Variants in TNP2 observed in about 807,000 individuals in gnomAD.
The protein encoded by TNP2 is transition protein 2.
TNP2 carries 10 observed loss-of-function variants against 8.5 expected under a neutral mutation model. The ratio of observed to expected loss-of-function variants is 1.17; its 90% CI spans 0.72 to 1.99. The LOEUF is 1.99. Among genes scored for constraint, TNP2 ranks in the 30% most tolerant of loss-of-function variants. The probability of loss-of-function intolerance (pLI) is 0.00; values close to 1 mark genes in which losing one functional copy is unlikely to be tolerated. For synonymous variants in TNP2, 80 were observed against 62.3 expected (o/e 1.28, Z -1.34); for missense variants, 222 against 181.2 (o/e 1.23, Z -1.29).
At chr16:11,268,495 C>T in intron 1 of TNP2, 1 of 367,228 alleles carries the variant, frequency 2.7e-6, no homozygotes, top group Non-Finnish European at 4.9e-6. Context: ...TCCATCCATC[C>T]AGCTAATCGT....
In TNP2 at chr16:11,267,914, T is replaced by C. The variant is rs1297954658; in HGVS notation, c.*82A>G. 6.9e-7 allele frequency: 1 copy of C among 1,456,830 alleles called. No individual in the cohort carries two copies. The highest frequency in any genetic ancestry group is 9.5e-7 in the Non-Finnish European group (1 of 1,054,426). 90.2% of individuals were successfully genotyped at this position (1,456,830 alleles called of 1,614,324 possible). On this transcript the variant is annotated 3_prime_UTR_variant, in exon 2 of 2. Transcript: ENST00000312693. ...GCGTAGAAATCACCATAGTAACATG[T>C]TCCTGCAAGAAGATTGACTTCATCC...
chr16:11,269,105 G>A lies in TNP2; in HGVS notation c.158C>T (p.Pro53Leu), dbSNP rs202033278. The change falls in exon 1 of 2, where the codon CCG (proline) becomes CTG (leucine). Residue 53 changes from proline to leucine, a missense_variant. Transcript: ENST00000312693. ...GSRSQSSSQS[P>L]ASHRNPTGAH... is the part of the protein sequence containing the mutation. ...TCCAGTTGGGTTGCGGTGGCTGGCCGGGCTCTGGCTGGAGCTCTGGCTCCG... is the reference window on the plus strand; with the variant it reads ...TCCAGTTGGGTTGCGGTGGCTGGCCAGGCTCTGGCTGGAGCTCTGGCTCCG... 225 of 1,613,964 alleles carry A rather than the reference G, an allele frequency of 1.4e-4. No homozygotes were observed. In the African/African-American group the frequency reaches 2.6e-3, roughly 19 times the overall value.
chr16:11,268,981 C>T lies in TNP2; in HGVS notation c.282G>A (p.Arg94=), dbSNP rs2069748412. The part of the protein sequence containing the change: ...KTMNSHHSPM[R]PTILHCRCPK... ...GGCAGCGGCAGTGCAGGATGGTGGG[C>T]CGCATGGGAGAGTGGTGGGAGTTCA... The change falls in exon 1 of 2, where the codon CGG becomes CGA. Residue 94 remains arginine (R), a synonymous_variant. Transcript: ENST00000312693. The T allele has an allele frequency of 6.2e-7, 1 of 1,613,898 alleles. No individual in the cohort carries two copies. The highest frequency in any genetic ancestry group is 8.5e-7 in the Non-Finnish European group (1 of 1,179,874).
chr16:11,268,974 TG>T lies in TNP2; in HGVS notation c.288del (p.Ile97SerfsTer17). The T allele has an allele frequency of 1.9e-6, 3 of 1,613,920 alleles. No individual in the cohort carries two copies. The highest frequency in any genetic ancestry group is 1.7e-6 in the Non-Finnish European group (2 of 1,179,870). ...TTCTTGGGGCAGCGGCAGTGCAGGA[TG>T]GTGGGCCGCATGGGAGAGTGGTGGG... Reference protein sequence around the residue: ...MNSHHSPMRPTILHCRCPKNR... With the variant: ...MNSHHSPMRPXILHCRCPKNR... On this transcript the variant is annotated frameshift_variant, in exon 1 of 2. Transcript: ENST00000312693. LOFTEE classifies it high-confidence loss of function.
intron 1 of TNP2, chr16:11,268,245 T>A (rs1432873234): frequency 1.2e-5 from 6 of 495,592 alleles, no homozygotes; most frequent in Non-Finnish European, 2.2e-5. Context: ...TTCCATTCAT[T>A]TATTCAACAT....
rs2069745344 is a variant in TNP2, at chr16:11,268,850, C to T, written c.400+13G>A. The T allele has an allele frequency of 6.5e-7, 1 of 1,550,220 alleles. No individual in the cohort carries two copies. The highest frequency in any genetic ancestry group is 8.7e-7 in the Non-Finnish European group (1 of 1,151,234). ...TGGGCTCGGTGGCCCTTCCCCACCT[C>T]CTTAAAGGGTACCTGAGCTCCGCGT... On this transcript the variant is annotated intron_variant, in intron 1 of 1. Coordinates refer to ENST00000312693, the MANE Select transcript of TNP2 (RefSeq NM_005425.5).
Position 11,268,918 on chromosome 16 carries a change from C to T in TNP2, c.345G>A (p.Lys115=), listed in dbSNP as rs757232187. The change falls in exon 1 of 2, where the codon AAG becomes AAA. Residue 115 remains lysine (K), a synonymous_variant. Coordinates refer to ENST00000312693, the MANE Select transcript of TNP2 (RefSeq NM_005425.5). ...GCTGGATCCTCTTGGCCATTTTTTT[C>T]TTTTTCAGCTTGCCTTCCAAGTTCT... ...NRKNLEGKLK[K]KKMAKRIQQV... The T allele has an allele frequency of 1.6e-5, 25 of 1,602,126 alleles. No individual in the cohort carries two copies. In the Admixed American group the frequency reaches 2.7e-4, roughly 17 times the overall value.
In TNP2 at chr16:11,269,111, T is replaced by C. The variant is rs1048163837; in HGVS notation, c.152A>G (p.Gln51Arg). The change falls in exon 1 of 2, where the codon CAG (glutamine) becomes CGG (arginine). Residue 51 changes from glutamine (Q) to arginine (R), a missense_variant. By Grantham distance (43) the Gln-to-Arg change is conservative. Coordinates refer to ENST00000312693, the MANE Select transcript of TNP2 (RefSeq NM_005425.5). ...TGGGTTGCGGTGGCTGGCCGGGCTC[T>C]GGCTGGAGCTCTGGCTCCGGCTGCC... Reference protein sequence around the residue: ...HRGSRSQSSSQSPASHRNPTG... With the variant: ...HRGSRSQSSSRSPASHRNPTG... The C allele has an allele frequency of 6.2e-7, 1 of 1,613,906 alleles. No homozygotes were observed. Among genetic ancestry groups the C allele is most frequent in the African/African-American group, 1.3e-5 (1 of 74,932 alleles).
At position 11,267,879 on chromosome 16, in the gene TNP2, A is replaced by G. The variant is rs1189488554; in HGVS notation, c.*117T>C. On this transcript the variant is annotated 3_prime_UTR_variant, in exon 2 of 2. Transcript: ENST00000312693. ...GGATAGTCTTCCAGGTACAAGCTTT[A>G]ATTAGTGTTGCGTAGAAATCACCAT... 1.3e-5 allele frequency: 15 copies of G among 1,130,824 alleles called. No individual in the cohort carries two copies. Among genetic ancestry groups the G allele is most frequent in the Admixed American group, 1.1e-4 (5 of 45,186 alleles). 70.0% of individuals were successfully genotyped at this position (1,130,824 alleles called of 1,614,324 possible).
rs2069751013 is a variant in TNP2, at chr16:11,269,084, G to A, written c.179C>T (p.Thr60Ile). The A allele has an allele frequency of 3.7e-6, 6 of 1,613,896 alleles. No homozygotes were observed. Among genetic ancestry groups the A allele is most frequent in the Admixed American group, 3.3e-5 (2 of 60,004 alleles). The change falls in exon 1 of 2, where the codon ACT becomes ATT. Residue 60 changes from threonine (T) to isoleucine (I), a missense_variant. Coordinates refer to ENST00000312693, the MANE Select transcript of TNP2 (RefSeq NM_005425.5). ...SQSPASHRNP[T>I]GAHSSSGHQS... ...GTGGCCGGATGAGCTGTGGGCTCCA[G>A]TTGGGTTGCGGTGGCTGGCCGGGCT...
In TNP2 at chr16:11,269,001, A is replaced by G. The variant is rs544635883; in HGVS notation, c.262T>C (p.Ser88Pro). ...GTGGGCCGCATGGGAGAGTGGTGGG[A>G]GTTCATAGTCTTTTTGTGGCGCTTT... ...PPKRHKKTMNSHHSPMRPTIL... is the reference protein window; with the variant it reads ...PPKRHKKTMNPHHSPMRPTIL... Residue 88 changes from serine to proline, a missense_variant, in exon 1 of 2, where the codon TCC (serine) becomes CCC (proline). Physicochemically the swap from Ser to Pro is moderately conservative, Grantham distance 74. Coordinates refer to ENST00000312693, the MANE Select transcript of TNP2 (RefSeq NM_005425.5). 2 of 1,613,150 alleles carry G rather than the reference A, an allele frequency of 1.2e-6. No individual in the cohort carries two copies. Among genetic ancestry groups the G allele is most frequent in the African/African-American group, 1.3e-5 (1 of 74,692 alleles).
chr16:11,268,607 C>T, intron 1 of TNP2: 1 of 460,046 alleles, frequency 2.2e-6, no homozygotes, highest in Non-Finnish European at 3.8e-6. Context: ...CTCTCAACTC[C>T]ATTCATGCTT....
rs575860608 is a variant in TNP2 at position 11,269,308 on chromosome 16, C to T, written c.-46G>A. ...GCAGGGCCTCCTCCTCATCCTCTCC[C>T]AGCAGGCCTAGCTTTACAGAGGCCC... On this transcript the variant is annotated 5_prime_UTR_variant, in exon 1 of 2. Transcript: ENST00000312693. 17 of 1,561,592 alleles carry T rather than the reference C, an allele frequency of 1.1e-5. No individual in the cohort carries two copies. The East Asian group carries it at 3.6e-4, about 33-fold the overall frequency.
rs756059820 is a variant in TNP2 at position 11,269,075 on chromosome 16, T to TG, written c.187dup (p.His63ProfsTer14). 5.0e-6 allele frequency: 8 copies of TG among 1,613,974 alleles called. No individual in the cohort carries two copies. The highest frequency in any genetic ancestry group is 1.3e-5 in the African/African-American group (1 of 75,026). ...CTGGCTCTGGTGGCCGGATGAGCTG[T>TG]GGGCTCCAGTTGGGTTGCGGTGGCT... On this transcript the variant is annotated frameshift_variant, in exon 1 of 2. Coordinates refer to ENST00000312693, the MANE Select transcript of TNP2 (RefSeq NM_005425.5). LOFTEE classifies it high-confidence loss of function.
chr16:11,268,633 G>A (rs1369151688), intron 1 of TNP2: 2 of 491,698 alleles, frequency 4.1e-6, no homozygotes, highest in Non-Finnish European at 3.5e-6. Flanking sequence ...TAGCTTATCT[G>A]CTATCTGTCC....
rs1190085631 is a variant in TNP2 at position 11,269,108 on chromosome 16, C to T, written c.155G>A (p.Ser52Asn). 3.1e-6 allele frequency: 5 copies of T among 1,613,996 alleles called. No homozygotes were observed. The highest frequency in any genetic ancestry group is 4.2e-6 in the Non-Finnish European group (5 of 1,179,896). ...RGSRSQSSSQ[S>N]PASHRNPTGA... is the part of the protein sequence containing the mutation. ...AGTTGGGTTGCGGTGGCTGGCCGGG[C>T]TCTGGCTGGAGCTCTGGCTCCGGCT... The change falls in exon 1 of 2, where the codon AGC becomes AAC. Residue 52 changes from serine to asparagine, a missense_variant. Ser to Asn is a conservative substitution (Grantham distance 46, BLOSUM62 1). Coordinates refer to ENST00000312693, the MANE Select transcript of TNP2 (RefSeq NM_005425.5).
chr16:11,268,804 A>C (rs2069744201), intron 1 of TNP2, 59 bp downstream of exon 1: 1 of 1,487,402 alleles, frequency 6.7e-7, no homozygotes, highest in Non-Finnish European at 8.9e-7. Flanking sequence ...ACTGCCCCCA[A>C]GGTCTGCTCT....
Position 11,267,944 on chromosome 16 carries a change from A to AT in TNP2, c.*51dup, listed in dbSNP as rs1461263839. The AT allele has an allele frequency of 1.3e-6, 2 of 1,593,806 alleles. No individual in the cohort carries two copies. The highest frequency in any genetic ancestry group is 2.2e-5 in the East Asian group (1 of 44,750). ...GCAAGAAGATTGACTTCATCCTAGC[A>AT]TTTTCTCCTTTGGGTGAAACACGCA... On this transcript the variant is annotated 3_prime_UTR_variant, in exon 2 of 2. Coordinates refer to ENST00000312693, the MANE Select transcript of TNP2 (RefSeq NM_005425.5).
Position 11,267,875 on chromosome 16 carries a change from C to G in TNP2, c.*121G>C. 9.0e-7 allele frequency: 1 copy of G among 1,106,690 alleles called. No homozygotes were observed. The allele number at this position is 1,106,690 out of a possible 1,614,324, so 68.6% of individuals were successfully genotyped here. A position where few individuals can be genotyped will look rare whatever the true frequency, so the allele number is the denominator to read the frequency against. Reference sequence around the variant, plus strand: ...TCAGGGATAGTCTTCCAGGTACAAGCTTTAATTAGTGTTGCGTAGAAATCA... The same window carrying G: ...TCAGGGATAGTCTTCCAGGTACAAGGTTTAATTAGTGTTGCGTAGAAATCA... On this transcript the variant is annotated 3_prime_UTR_variant, in exon 2 of 2. Coordinates refer to ENST00000312693, the MANE Select transcript of TNP2 (RefSeq NM_005425.5).
Sources: allele counts gnomAD v4.1 joint callset, GRCh38; gene constraint gnomAD v4.1.1; transcripts MANE v1.5; gene names NCBI Gene and HGNC (gene_info 2026-07-23, HGNC 2026-07-21).